Variants in PDE10A observed in about 807,000 individuals in gnomAD.
PDE10A encodes phosphodiesterase 10A, also known as cAMP and cAMP-inhibited cGMP 3',5'-cyclic phosphodiesterase 10A.
Under a neutral mutation model 97.7 loss-of-function variants are expected in PDE10A, and 39 were observed. The observed-to-expected ratio is 0.40, with a 90% CI of 0.31 to 0.52. The LOEUF (loss-of-function observed/expected upper bound fraction) is 0.52. Ranked by LOEUF, PDE10A falls within the 20% of genes least tolerant of loss-of-function variation. PDE10A has a pLI of 0.56. For synonymous variants in PDE10A, 371 were observed against 376.8 expected (o/e 0.98, Z 0.18); for missense variants, 731 against 1,047.8 (o/e 0.70, Z 4.17).
intron 1 of PDE10A, among the ~76,000 whole-genome samples, chr6:165,928,470 C>T (rs181387631): frequency 1.3e-4 from 20 of 152,288 alleles, no homozygotes; most frequent in Non-Finnish European, 2.2e-4. Flanking sequence ...ACTGTTTAAC[C>T]GCCAGGCATG....
chr6:165,726,423 T>C (rs529612890), intron 1 of PDE10A, among the ~76,000 whole-genome samples: 42 of 152,320 alleles, frequency 2.8e-4, no homozygotes, highest in Non-Finnish European at 5.1e-4. Context: ...TTTACGTTAA[T>C]AAGCATAGCT....
chr6:165,972,029 C>T (rs931227675), intron 1 of PDE10A, among the ~76,000 whole-genome samples: 1 of 152,034 alleles, frequency 6.6e-6, no homozygotes, highest in Non-Finnish European at 1.5e-5. Context: ...TGCAGTCCAG[C>T]CTCCTGGGGT....
chr6:165,570,904 C>T (rs1383029268), intron 1 of PDE10A, among the ~76,000 whole-genome samples: 2 of 152,152 alleles, frequency 1.3e-5, no homozygotes. Flanking sequence ...TTTCATCAAC[C>T]AATCAATACA....
In PDE10A at chr6:165,450,237, C is replaced by G; in HGVS notation, c.1144+5G>C. 1 of 1,537,844 alleles carries G rather than the reference C, an allele frequency of 6.5e-7. No homozygotes were observed. Among genetic ancestry groups the G allele is most frequent in the South Asian group, 1.4e-5 (1 of 73,582 alleles). On this transcript the variant is annotated splice_donor_5th_base_variant and intron_variant, in intron 4 of 21. Coordinates refer to ENST00000539869, the MANE Select transcript of PDE10A (RefSeq NM_001385079.1). ...TTTCTAACAGGAACACAAAATGCTT[C>G]TTACCTATTTTAATGATGCTGCTCA...
At chr6:165,382,222 G>A (rs1784982008) in intron 17 of PDE10A, among the ~76,000 whole-genome samples, 1 of 152,122 alleles carries the variant, frequency 6.6e-6, no homozygotes, top group Non-Finnish European at 1.5e-5. Context: ...GCTGAAAGAT[G>A]ACCCAGGGAC....
At chr6:165,754,149 A>C (rs1002473921) in intron 1 of PDE10A, 2 of 152,192 alleles carry the variant, frequency 1.3e-5, no homozygotes, top group African/African-American at 4.8e-5. Context: ...TTTTTCATTC[A>C]ATACCTGAAA....
intron 1 of PDE10A, among the ~76,000 whole-genome samples, chr6:165,857,727 G>GTT (rs1268244407): frequency 8.3e-6 from 1 of 119,964 alleles, no homozygotes; most frequent in Admixed American, 9.7e-5. Flanking sequence ...GTGTGTGTGT[G>GTT]TGTGTGTGTG....
chr6:165,812,347 T>G (rs920627044), intron 1 of PDE10A, among the ~76,000 whole-genome samples: 5 of 152,232 alleles, frequency 3.3e-5, no homozygotes, highest in Non-Finnish European at 7.3e-5. Context: ...ATCTCCAGTT[T>G]CAGTGTTTAA....
At chr6:165,619,598 C>CT (rs1562635336) in intron 1 of PDE10A, among the ~76,000 whole-genome samples, 2 of 107,220 alleles carry the variant, frequency 1.9e-5, no homozygotes, top group Admixed American at 8.0e-5. Context: ...TGTAGTCTAG[C>CT]GTAGTGCACT....
intron 1 of PDE10A, among the ~76,000 whole-genome samples, chr6:165,853,384 A>G (rs1488390063): frequency 6.6e-6 from 1 of 152,252 alleles, no homozygotes; most frequent in African/African-American, 2.4e-5. Context: ...GAATTAATAG[A>G]TCATCAAGAA....
chr6:165,779,795 C>T (rs901016131), intron 1 of PDE10A, among the ~76,000 whole-genome samples: 1 of 152,150 alleles, frequency 6.6e-6, no homozygotes, highest in Non-Finnish European at 1.5e-5. Context: ...CCTCCCTCTG[C>T]CTGTCCCTGA....
At chr6:165,895,402 A>T (rs1781915609) in intron 1 of PDE10A, among the ~76,000 whole-genome samples, 1 of 152,180 alleles carries the variant, frequency 6.6e-6, no homozygotes, top group South Asian at 2.1e-4. Flanking sequence ...GCCCATGGCC[A>T]CCAGAAGCTG....
chr6:165,806,650 C>A (rs1583120343), intron 1 of PDE10A, among the ~76,000 whole-genome samples: 1 of 56,826 alleles, frequency 1.8e-5, no homozygotes, highest in Non-Finnish European at 4.1e-5. Flanking sequence ...CTGCTGAGCG[C>A]CCCCCCCCAG....
rs182035099 is a variant in PDE10A at position 165,368,759 on chromosome 6, C to T, written c.2783+10435G>A. ...CAGCACGTAGCTGGAGATCTGAGAACGGGCAGACTGCCTCCTCAAGTGGGT... is the reference window on the plus strand; with the variant it reads ...CAGCACGTAGCTGGAGATCTGAGAATGGGCAGACTGCCTCCTCAAGTGGGT... On this transcript the variant is annotated intron_variant, in intron 18 of 21. Coordinates refer to ENST00000539869, the MANE Select transcript of PDE10A (RefSeq NM_001385079.1). 1.4e-3 allele frequency among the ~76,000 whole-genome samples: 220 copies of T among 152,274 alleles called. 1 individual carries two copies. Among genetic ancestry groups the T allele is most frequent in the African/African-American group, 3.7e-3 (155 of 41,562 alleles).
At chr6:165,863,078 A>G (rs1780951604) in intron 1 of PDE10A, among the ~76,000 whole-genome samples, 1 of 152,222 alleles carries the variant, frequency 6.6e-6, no homozygotes, top group Non-Finnish European at 1.5e-5. Context: ...TTTAAACTCA[A>G]AAAATTCCAT....
At chr6:165,422,170 G>T (rs1788739710) in intron 10 of PDE10A, among the ~76,000 whole-genome samples, 1 of 152,128 alleles carries the variant, frequency 6.6e-6, no homozygotes, top group African/African-American at 2.4e-5. Context: ...ACCCTCAGAT[G>T]CTGAAAAGGA....
rs370578817 is a variant in PDE10A, at chr6:165,863,709, T to A, written c.-615+123820A>T. 3.9e-5 allele frequency among the ~76,000 whole-genome samples: 6 copies of A among 152,344 alleles called. No homozygotes were observed. In the South Asian group the frequency reaches 1.2e-3, roughly 32 times the overall value. On this transcript the variant is annotated intron_variant, in intron 1 of 19. Coordinates refer to the PDE10A transcript ENST00000366882. ...CTATCAATCAATAAACAAAAATGAATATAGATGATATGACACAGATATACT... is the reference window on the plus strand; with the variant it reads ...CTATCAATCAATAAACAAAAATGAAAATAGATGATATGACACAGATATACT...
At chr6:165,824,686 T>C (rs1360835411) in intron 1 of PDE10A, among the ~76,000 whole-genome samples, 4 of 152,196 alleles carry the variant, frequency 2.6e-5, no homozygotes, top group African/African-American at 9.6e-5. Flanking sequence ...GTTGGTGCCA[T>C]CTTGGTGTTT....
chr6:165,568,048 G>C (rs1381746100), intron 1 of PDE10A, among the ~76,000 whole-genome samples: 1 of 135,250 alleles, frequency 7.4e-6, no homozygotes, highest in Non-Finnish European at 1.5e-5. Flanking sequence ...GCCCAGGCTG[G>C]AGTGCAGTGG....
Sources: gnomAD v4.1 joint callset for allele counts (sites outside exome capture counted in the v4.1 genomes callset) on GRCh38, gnomAD v4.1.1 for gene constraint, MANE v1.5 for transcripts, NCBI Gene and HGNC (gene_info 2026-07-23, HGNC 2026-07-21) for gene names.